The following DHRS3 variants were observed in gnomAD, a reference collection of about 807,000 sequenced individuals.
The protein encoded by DHRS3 is short-chain dehydrogenase/reductase 3.
A neutral mutation model predicts 27.2 loss-of-function variants in DHRS3; 14 were observed. That is an observed-to-expected ratio of 0.52 (90% CI 0.34 to 0.81). The LOEUF (loss-of-function observed/expected upper bound fraction) is 0.81, where lower values mean the gene tolerates loss of function less well. Among genes scored for constraint, DHRS3 ranks in the 30% least tolerant of loss-of-function variants. The pLI, the probability that DHRS3 is intolerant of heterozygous loss-of-function variation, is 0.01. For missense variants in DHRS3, 322 were observed against 406.2 expected (o/e 0.79, Z 1.78); for synonymous variants, 165 against 175.9 (o/e 0.94, Z 0.49).
chr1:12,601,808 G>A (rs1646837610), intron 1 of DHRS3, among the ~76,000 whole-genome samples: 1 of 152,184 alleles, frequency 6.6e-6, no homozygotes, highest in Non-Finnish European at 1.5e-5. Flanking sequence ...AGTCCTGTTG[G>A]TAAGAAGAAG....
rs1300104737 is a variant in DHRS3, at chr1:12,578,848, T to C, written c.568A>G (p.Thr190Ala). Residue 190 changes from threonine to alanine, a missense_variant, in exon 4 of 6, where the codon ACA becomes GCA. Physicochemically the swap from Thr to Ala is moderately conservative, Grantham distance 58. Transcript: ENST00000616661. This position sits in a 1 kb window ranked among gnomAD's most constrained non-coding sequence, Gnocchi z 4.5. ...AAGGCGAAGGCTGACGCTTTGGATG[T>C]GCAGTAGTCGATGGCACCGGGGATG... ...SAIPGAIDYC[T>A]SKASAFAFME... The C allele has an allele frequency of 1.9e-6, 3 of 1,614,012 alleles. No homozygotes were observed. The highest frequency in any genetic ancestry group is 1.3e-5 in the African/African-American group (1 of 75,058).
intron 1 of DHRS3, among the ~76,000 whole-genome samples, chr1:12,607,765 A>T (rs964804309): frequency 6.6e-6 from 1 of 152,190 alleles, no homozygotes; most frequent in African/African-American, 2.4e-5. Flanking sequence ...GATGGACTAG[A>T]TGGCTGGTAT....
intron 4 of DHRS3, among the ~76,000 whole-genome samples, chr1:12,573,423 C>G (rs1204870221): frequency 6.6e-6 from 1 of 152,272 alleles, no homozygotes; most frequent in Non-Finnish European, 1.5e-5. Flanking sequence ...GTTTCCTTGT[C>G]AGTGGCCTGT....
intron 1 of DHRS3, among the ~76,000 whole-genome samples, chr1:12,587,437 T>A (rs560399490): frequency 6.6e-6 from 1 of 152,060 alleles, no homozygotes; most frequent in Non-Finnish European, 1.5e-5. Context: ...AGCCACCAGG[T>A]CACTGGAAGT....
At chr1:12,572,941 C>T (rs1646552333) in intron 4 of DHRS3, 88 bp from the exon 5 acceptor site, 1 of 1,453,150 alleles carries the variant, frequency 6.9e-7, no homozygotes, top group Non-Finnish European at 9.1e-7. Context: ...GTCTGGGTCA[C>T]CCTTTGGCTT....
At position 12,617,374 on chromosome 1, in the gene DHRS3, G is replaced by A. The variant is rs752640229; in HGVS notation, c.-26C>T. ...CCTCCGCGCCGCGGAGCCGGGCAGGGGGCGAAACTCCCCGGGCCGAGCAAT... is the reference window on the plus strand; with the variant it reads ...CCTCCGCGCCGCGGAGCCGGGCAGGAGGCGAAACTCCCCGGGCCGAGCAAT... On this transcript the variant is annotated 5_prime_UTR_variant, in exon 1 of 6. Coordinates refer to ENST00000616661, the MANE Select transcript of DHRS3 (RefSeq NM_004753.7). 4.7e-5 allele frequency: 74 copies of A among 1,590,402 alleles called. No homozygotes were observed. The highest frequency in any genetic ancestry group is 6.1e-5 in the Non-Finnish European group (71 of 1,163,186).
At chr1:12,581,260 C>A (rs763317544) in intron 1 of DHRS3, among the ~76,000 whole-genome samples, 13 of 152,210 alleles carry the variant, frequency 8.5e-5, no homozygotes, top group Non-Finnish European at 1.8e-4. Flanking sequence ...CTGCCTCCTG[C>A]CAGTGCAGTT....
intron 1 of DHRS3, among the ~76,000 whole-genome samples, chr1:12,603,983 G>A (rs1285217076): frequency 6.6e-6 from 1 of 152,210 alleles, no homozygotes; most frequent in Non-Finnish European, 1.5e-5. Flanking sequence ...ACTTGGATGG[G>A]TTTTGATTGT....
chr1:12,589,452 G>A (rs541238179), intron 1 of DHRS3, among the ~76,000 whole-genome samples: 12 of 149,410 alleles, frequency 8.0e-5, no homozygotes, highest in Admixed American at 1.3e-4. Context: ...GCAGTGGCGC[G>A]ATCTCGGCTC....
At chr1:12,588,894 C>T (rs1459169291) in intron 1 of DHRS3, among the ~76,000 whole-genome samples, 1 of 152,222 alleles carries the variant, frequency 6.6e-6, no homozygotes, top group Non-Finnish European at 1.5e-5. Context: ...GGCAGGCCAG[C>T]TCATGTCCCA....
chr1:12,571,211 G>A (rs1223928023), intron 5 of DHRS3, among the ~76,000 whole-genome samples: 5 of 152,226 alleles, frequency 3.3e-5, no homozygotes, highest in African/African-American at 1.2e-4. Flanking sequence ...GTGTGGGACT[G>A]GGATGGGAAG....
Position 12,617,255 on chromosome 1 carries a change from T to C in DHRS3, c.94A>G (p.Lys32Glu). 6.2e-7 allele frequency: 1 copy of C among 1,613,796 alleles called. No individual in the cohort carries two copies. Among genetic ancestry groups the C allele is most frequent in the Non-Finnish European group, 8.5e-7 (1 of 1,179,990 alleles). ...KAAVGLVLPA[K>E]LRDLSRENVL... ...TTCTCCCGCGACAGGTCCCGCAGCT[T>C]GGCGGGCAGCACCAGTCCGACGGCT... Residue 32 changes from lysine (K) to glutamate (E), a missense_variant, in exon 1 of 6, where the codon AAG (lysine) becomes GAG (glutamate). Lys to Glu is a moderately conservative substitution (Grantham distance 56). Transcript: ENST00000616661.
intron 1 of DHRS3, among the ~76,000 whole-genome samples, chr1:12,601,480 G>GA (rs1646835532): frequency 6.6e-6 from 1 of 152,114 alleles, no homozygotes; most frequent in Non-Finnish European, 1.5e-5. Context: ...AGGGGAGAGA[G>GA]AAACTCTCCT....
intron 1 of DHRS3, among the ~76,000 whole-genome samples, chr1:12,596,915 C>G (rs1646802107): frequency 6.6e-6 from 1 of 152,158 alleles, no homozygotes; most frequent in Admixed American, 6.5e-5. Context: ...ACTGCCCCCC[C>G]AAACTGAGCC....
Position 12,568,309 on chromosome 1 carries a change from GT to G in DHRS3, c.*30del. The G allele has an allele frequency of 6.2e-7, 1 of 1,605,004 alleles. No individual in the cohort carries two copies. On this transcript the variant is annotated 3_prime_UTR_variant, in exon 6 of 6. Coordinates refer to ENST00000616661, the MANE Select transcript of DHRS3 (RefSeq NM_004753.7). The stretch of plus-strand genomic sequence containing the variant: ...CCAGGTGCTGTGGCCCCCAAACTCC[GT>G]GGCTCCTCAAGCATGTCTTCATCCT...
rs559722759 is a variant in DHRS3 at position 12,591,693 on chromosome 1, G to A, written c.196-11027C>T. ...CTCATACCCGAGAAAACTGATACAC[G>A]AAGGGGCTATGTAATTCCAAGCGGT... is the stretch of plus-strand genomic sequence containing the variant. On this transcript the variant is annotated intron_variant, in intron 1 of 5. Coordinates refer to ENST00000616661, the MANE Select transcript of DHRS3 (RefSeq NM_004753.7). The surrounding 1 kb of genome is among the most constrained non-coding windows in gnomAD (Gnocchi z 4.1). 7.2e-5 allele frequency among the ~76,000 whole-genome samples: 11 copies of A among 152,354 alleles called. No homozygotes were observed. In the South Asian group the frequency reaches 1.0e-3, roughly 14 times the overall value.
chr1:12,616,507 G>A (rs1385974467), intron 1 of DHRS3: 2 of 959,752 alleles, frequency 2.1e-6, no homozygotes, highest in South Asian at 4.8e-5. Context: ...TACTGGGGGG[G>A]AGGGGACAGG....
In DHRS3 at chr1:12,586,478, C is replaced by T. The variant is rs949353173; in HGVS notation, c.196-5812G>A. On this transcript the variant is annotated intron_variant, in intron 1 of 5. Transcript: ENST00000616661. The surrounding 1 kb of genome is among the most constrained non-coding windows in gnomAD (Gnocchi z 5.0). ...ACAGCCCCGTCCATCCAGCACCACACGGACAGCCGGCTATGGGCTGGGGTG... is the reference window on the plus strand; with the variant it reads ...ACAGCCCCGTCCATCCAGCACCACATGGACAGCCGGCTATGGGCTGGGGTG... Among the ~76,000 whole-genome samples the T allele has an allele frequency of 1.7e-4, 25 of 151,234 alleles. No homozygotes were observed. Among genetic ancestry groups the T allele is most frequent in the African/African-American group, 4.9e-4 (20 of 41,196 alleles).
chr1:12,613,393 C>T (rs1470650668), intron 1 of DHRS3, among the ~76,000 whole-genome samples: 1 of 152,206 alleles, frequency 6.6e-6, no homozygotes, highest in Non-Finnish European at 1.5e-5. Flanking sequence ...AGCACCTGGC[C>T]ACACTCTAGG....
Sources: allele counts gnomAD v4.1 joint callset (sites outside exome capture counted in the v4.1 genomes callset), GRCh38; gene constraint gnomAD v4.1.1; non-coding constraint Gnocchi (gnomAD v3.1); transcripts MANE v1.5; gene names NCBI Gene and HGNC (gene_info 2026-07-23, HGNC 2026-07-21).